The following NPY1R variants were observed in gnomAD, a reference collection of about 807,000 sequenced individuals.
The protein encoded by NPY1R is neuropeptide Y receptor Y1.
NPY1R carries 10 observed loss-of-function variants against 24.1 expected under a neutral mutation model. The ratio of observed to expected loss-of-function variants is 0.42; its 90% CI spans 0.26 to 0.71. NPY1R has a LOEUF of 0.71. Among genes scored for constraint, NPY1R ranks in the 30% least tolerant of loss-of-function variants. The pLI, the probability that NPY1R is intolerant of heterozygous loss-of-function variation, is 0.28. For missense variants in NPY1R, 350 were observed against 458.0 expected, an observed-to-expected ratio of 0.76 and a Z score of 2.15; for synonymous variants, 168 against 165.9, an observed-to-expected ratio of 1.01 and a Z score of -0.10.
upstream of NPY1R, among the ~76,000 whole-genome samples, chr4:163,334,809 G>A (rs572405841): frequency 2.7e-5 from 4 of 148,128 alleles, no homozygotes; most frequent in Non-Finnish European, 4.4e-5. Context: ...GCAGTGAGCC[G>A]AGATCGCACG....
intron 1 of NPY1R, among the ~76,000 whole-genome samples, chr4:163,329,159 A>C (rs1327068061): frequency 6.6e-6 from 1 of 152,158 alleles, no homozygotes; most frequent in Non-Finnish European, 1.5e-5. Flanking sequence ...TTAATTAAAC[A>C]TTTATTTTGT....
rs1336896342 is a variant in NPY1R at position 163,324,804 on chromosome 4, T to C, written c.*499A>G. The C allele has an allele frequency of 6.6e-6, 1 of 152,462 alleles. No homozygotes were observed. Among genetic ancestry groups the C allele is most frequent in the Non-Finnish European group, 1.5e-5 (1 of 68,626 alleles). The allele number at this position is 152,462 out of a possible 1,614,324, so 9.4% of individuals were successfully genotyped here. The stretch of plus-strand genomic sequence containing the variant: ...AAACCTCAAACCACTTCTGAATGAC[T>C]TCAGACTATCTTTCGGCTCCTGAAT... On this transcript the variant is annotated 3_prime_UTR_variant, in exon 3 of 3. Transcript: ENST00000296533.
At chr4:163,336,154 C>A (rs896550614), upstream of NPY1R, among the ~76,000 whole-genome samples, 1 of 152,154 alleles carries the variant, frequency 6.6e-6, no homozygotes, top group Non-Finnish European at 1.5e-5. Flanking sequence ...CAGTAAAGTT[C>A]TCATTTTGTT....
chr4:163,343,490 C>CCCCCCACCGT (rs1489034790), intron 1 of NPY1R, among the ~76,000 whole-genome samples: 1 of 151,648 alleles, frequency 6.6e-6, no homozygotes, highest in African/African-American at 2.4e-5. Context: ...CACCACACCA[C>CCCCCCACCGT]CCCCCACCGT....
chr4:163,332,750 G>C (rs1168977269), upstream of NPY1R: 1 of 152,382 alleles, frequency 6.6e-6, no homozygotes, highest in Non-Finnish European at 1.5e-5. Flanking sequence ...AGGAATTTTG[G>C]AAAGAAAAGC....
chr4:163,327,742 G>C (rs185870394), intron 1 of NPY1R, among the ~76,000 whole-genome samples: 93 of 152,220 alleles, frequency 6.1e-4, no homozygotes, highest in Admixed American at 1.1e-3. Flanking sequence ...AGCACTTTGT[G>C]ATACATTTTT....
Position 163,325,590 on chromosome 4 carries a change from G to T in NPY1R, c.868C>A (p.His290Asn), listed in dbSNP as rs1393891869. 1 of 1,613,758 alleles carries T rather than the reference G, an allele frequency of 6.2e-7. No individual in the cohort carries two copies. Among genetic ancestry groups the T allele is most frequent in the African/African-American group, 1.3e-5 (1 of 74,920 alleles). ...TGGTTGCAGGTAGCAATGATCTGATGATTCCAATCAAACACAGTGTTAAAG... is the reference window on the plus strand; with the variant it reads ...TGGTTGCAGGTAGCAATGATCTGATTATTCCAATCAAACACAGTGTTAAAG... ...TIFNTVFDWN[H>N]QIIATCNHNL... Residue 290 changes from histidine to asparagine, a missense_variant, in exon 3 of 3, where the codon CAT becomes AAT. His to Asn is a moderately conservative substitution (Grantham distance 68). Coordinates refer to ENST00000296533, the MANE Select transcript of NPY1R (RefSeq NM_000909.6).
chr4:163,326,391 A>T lies in NPY1R; in HGVS notation c.164T>A (p.Val55Asp). 2 of 1,614,116 alleles carry T rather than the reference A, an allele frequency of 1.2e-6. No individual in the cohort carries two copies. The highest frequency in any genetic ancestry group is 1.7e-6 in the Non-Finnish European group (2 of 1,179,964). ...LAYGAVIILG[V>D]SGNLALIIII... ...TATGATCAAGGCCAGGTTTCCAGAG[A>T]CACCAAGAATGATCACAGCTCCATA... The change falls in exon 2 of 3, where the codon GTC becomes GAC. Residue 55 changes from valine (V) to aspartate (D), a missense_variant. Transcript: ENST00000296533.
intron 1 of NPY1R, among the ~76,000 whole-genome samples, chr4:163,330,092 T>C (rs1734694214): frequency 6.6e-6 from 1 of 152,086 alleles, no homozygotes. Flanking sequence ...TGGCGAGAAA[T>C]AATAGGGACA....
intron 1 of NPY1R, among the ~76,000 whole-genome samples, chr4:163,329,882 G>C (rs1321043205): frequency 2.0e-5 from 3 of 151,942 alleles, no homozygotes; most frequent in African/African-American, 7.2e-5. Context: ...TAAAGAGGGG[G>C]GTACAGACTG....
intron 1 of NPY1R, among the ~76,000 whole-genome samples, chr4:163,343,336 C>T (rs1379584869): frequency 2.6e-5 from 4 of 152,124 alleles, no homozygotes; most frequent in South Asian, 2.1e-4. Flanking sequence ...GGGGAAACTT[C>T]CCTTCTATTC....
At chr4:163,339,317 C>T (rs1445002680) in intron 1 of NPY1R, among the ~76,000 whole-genome samples, 1 of 152,146 alleles carries the variant, frequency 6.6e-6, no homozygotes, top group Admixed American at 6.6e-5. Context: ...CAAGTGTCTT[C>T]TCAGGTATAA....
At chr4:163,334,599 C>T (rs906696460), upstream of NPY1R, among the ~76,000 whole-genome samples, 22 of 152,164 alleles carry the variant, frequency 1.4e-4, no homozygotes, top group Non-Finnish European at 2.9e-4. Flanking sequence ...CGGTGGCTCA[C>T]GCCTGTAATC....
chr4:163,330,410 A>G lies in NPY1R; in HGVS notation c.-152+2072T>C, dbSNP rs539913954. 3.9e-5 allele frequency among the ~76,000 whole-genome samples: 6 copies of G among 152,344 alleles called. No individual in the cohort carries two copies. The South Asian group carries it at 1.2e-3, about 32-fold the overall frequency. On this transcript the variant is annotated intron_variant, in intron 1 of 2. Coordinates refer to ENST00000296533, the MANE Select transcript of NPY1R (RefSeq NM_000909.6). ...AAGGTGTTTTCAAGCCTATTTTACTAAGTGCACATTTGATAGTTATTCCAG... is the reference window on the plus strand; with the variant it reads ...AAGGTGTTTTCAAGCCTATTTTACTGAGTGCACATTTGATAGTTATTCCAG...
intron 1 of NPY1R, among the ~76,000 whole-genome samples, chr4:163,339,015 C>G (rs936123350): frequency 6.6e-6 from 1 of 152,162 alleles, no homozygotes. Context: ...TATTTCTTTT[C>G]TAAATGGTCT....
At position 163,325,281 on chromosome 4, in the gene NPY1R, G is replaced by T; in HGVS notation, c.*22C>A. 1.3e-6 allele frequency: 2 copies of T among 1,539,342 alleles called. No individual in the cohort carries two copies. Among genetic ancestry groups the T allele is most frequent in the Non-Finnish European group, 8.9e-7 (1 of 1,125,634 alleles). ...CTTGTTTTTAAACAGATGTCATCCG[G>T]GACCATAGGCTATAAGTAGTTTCAG... On this transcript the variant is annotated 3_prime_UTR_variant, in exon 3 of 3. Transcript: ENST00000296533.
At position 163,325,993 on chromosome 4, in the gene NPY1R, T is replaced by C; in HGVS notation, c.562A>G (p.Thr188Ala). The part of the protein sequence containing the change: ...VMTDEPFQNV[T>A]LDAYKDKYVC... ...TATTTGTCTTTGTACGCATCAAGTG[T>C]TACATTTTGGAACGGCTCATCAGTC... Residue 188 changes from threonine to alanine, a missense_variant, in exon 2 of 3, where the codon ACA becomes GCA. Coordinates refer to ENST00000296533, the MANE Select transcript of NPY1R (RefSeq NM_000909.6). 1 of 1,614,052 alleles carries C rather than the reference T, an allele frequency of 6.2e-7. No individual in the cohort carries two copies. The highest frequency in any genetic ancestry group is 8.5e-7 in the Non-Finnish European group (1 of 1,179,988).
At chr4:163,328,957 G>A (rs1734668380) in intron 1 of NPY1R, among the ~76,000 whole-genome samples, 1 of 152,142 alleles carries the variant, frequency 6.6e-6, no homozygotes, top group Non-Finnish European at 1.5e-5. Flanking sequence ...TATAACTGAT[G>A]CATGGTTGGA....
chr4:163,341,755 A>T (rs942493712), intron 1 of NPY1R, among the ~76,000 whole-genome samples: 1 of 152,214 alleles, frequency 6.6e-6, no homozygotes, highest in African/African-American at 2.4e-5. Flanking sequence ...TACATAAAAC[A>T]GAGGTGGACA....
Sources: gnomAD v4.1 joint callset for allele counts (sites outside exome capture counted in the v4.1 genomes callset) on GRCh38, gnomAD v4.1.1 for gene constraint, MANE v1.5 for transcripts, NCBI Gene and HGNC (gene_info 2026-07-23, HGNC 2026-07-21) for gene names.